Variants in LYZL2 observed in about 807,000 individuals in gnomAD.
The protein encoded by LYZL2 is lysozyme like 2.
In LYZL2, 13 loss-of-function variants were observed where a neutral mutation model predicts 17.1. The ratio of observed to expected loss-of-function variants is 0.76; its 90% CI spans 0.49 to 1.21. The LOEUF (loss-of-function observed/expected upper bound fraction) is 1.21, where lower values mean the gene tolerates loss of function less well. Ranked by LOEUF, LYZL2 falls within the 50% of genes most tolerant of loss-of-function variation. The pLI, the probability that LYZL2 is intolerant of heterozygous loss-of-function variation, is 0.00. For synonymous variants in LYZL2, 63 were observed against 74.4 expected (o/e 0.85, Z 0.79); for missense variants, 166 against 189.2 (o/e 0.88, Z 0.72).
At chr10:30,620,712 T>C (rs1838606288) in intron 3 of LYZL2, among the ~76,000 whole-genome samples, 1 of 152,122 alleles carries the variant, frequency 6.6e-6, no homozygotes, top group African/African-American at 2.4e-5. Flanking sequence ...TGATAAGAAA[T>C]TTAAATCACT....
intron 3 of LYZL2, among the ~76,000 whole-genome samples, chr10:30,616,590 C>T (rs399858): frequency 0.83 from 126,194 of 152,262 alleles, 52,954 homozygotes; most frequent in African/African-American, 0.92. Flanking sequence ...AGGATAATAA[C>T]AGCTATTACC....
Position 30,612,065 on chromosome 10 carries a change from G to A in LYZL2, c.378-41C>T, listed in dbSNP as rs200983024. On this transcript the variant is annotated intron_variant, in intron 4 of 4. Transcript: ENST00000647634. ...AAGCAAGAGCAGCAGAAAGAAGCGT[G>A]ACAATCCAAACCGTCTCAGTTTCAA... The A allele has an allele frequency of 3.7e-5, 60 of 1,605,820 alleles. No individual in the cohort carries two copies. In the East Asian group the frequency reaches 5.1e-4, roughly 14 times the overall value.
intron 3 of LYZL2, among the ~76,000 whole-genome samples, chr10:30,623,902 T>G (rs1214560457): frequency 1.1e-4 from 17 of 152,174 alleles, no homozygotes; most frequent in Non-Finnish European, 1.5e-5. Flanking sequence ...TGGGGACCAC[T>G]GATACAGACC....
At chr10:30,612,693 G>C in intron 4 of LYZL2, 129 bp downstream of exon 4, 1 of 672,512 alleles carries the variant, frequency 1.5e-6, no homozygotes, top group South Asian at 1.8e-5. Flanking sequence ...GGAGAATATA[G>C]ACAAGGTCTC....
At chr10:30,628,125 A>G (rs375323915) in intron 1 of LYZL2, among the ~76,000 whole-genome samples, 16 of 151,614 alleles carry the variant, frequency 1.1e-4, no homozygotes, top group South Asian at 2.1e-4. Context: ...GCGCCACTGC[A>G]CTCCAGCCTG....
intron 3 of LYZL2, among the ~76,000 whole-genome samples, chr10:30,616,505 T>G (rs1190055843): frequency 6.6e-6 from 1 of 152,160 alleles, no homozygotes; most frequent in Non-Finnish European, 1.5e-5. Context: ...AAAACAAACA[T>G]CCATCTCAAA....
At chr10:30,614,014 A>G (rs1256321178) in intron 3 of LYZL2, among the ~76,000 whole-genome samples, 1 of 151,422 alleles carries the variant, frequency 6.6e-6, no homozygotes, top group Non-Finnish European at 1.5e-5. Flanking sequence ...CCCGCCACCT[A>G]TTATTTTTTC....
Position 30,611,960 on chromosome 10 carries a change from A to G in LYZL2, c.442T>C (p.Ser148Pro). 6.2e-7 allele frequency: 1 copy of G among 1,614,158 alleles called. No homozygotes were observed. Among genetic ancestry groups the G allele is most frequent in the Non-Finnish European group, 8.5e-7 (1 of 1,180,030 alleles). ...ATCCTGGGTCCAGTTCCAGTTTAGG[A>G]AACCTCACAGTCTTTTTTCCAGTCG... ...LSDWKKDCEV[S>P] Residue 148 changes from serine (S) to proline (P), a missense_variant, in exon 5 of 5, where the codon TCC (serine) becomes CCC (proline). This residue lies in a region of LYZL2 where 134 missense variants were observed against 129.4 expected (regional missense o/e 1.04). Coordinates refer to ENST00000647634, the MANE Select transcript of LYZL2 (RefSeq NM_183058.3).
At chr10:30,623,026 T>A (rs978043238) in intron 3 of LYZL2, among the ~76,000 whole-genome samples, 8 of 152,184 alleles carry the variant, frequency 5.3e-5, no homozygotes, top group Admixed American at 5.2e-4. Context: ...ACAAAGTAGA[T>A]TTCTGGATGA....
chr10:30,620,279 A>G (rs1008025359), intron 3 of LYZL2, among the ~76,000 whole-genome samples: 2 of 152,252 alleles, frequency 1.3e-5, no homozygotes, highest in Non-Finnish European at 2.9e-5. Flanking sequence ...GTGCACCAAG[A>G]GGATCGCCCA....
chr10:30,616,485 C>A (rs186344368), intron 3 of LYZL2, among the ~76,000 whole-genome samples: 5 of 152,302 alleles, frequency 3.3e-5, no homozygotes, highest in Admixed American at 6.5e-5. Context: ...GAGATGGAGA[C>A]CATCCTCTCA....
At chr10:30,622,419 T>A in intron 3 of LYZL2, among the ~76,000 whole-genome samples, 1 of 151,918 alleles carries the variant, frequency 6.6e-6, no homozygotes, top group Non-Finnish European at 1.5e-5. Context: ...CGTGGTGGCA[T>A]GTGCCTGTAG....
At chr10:30,615,312 G>A (rs1261225782) in intron 3 of LYZL2, among the ~76,000 whole-genome samples, 2 of 152,172 alleles carry the variant, frequency 1.3e-5, no homozygotes, top group African/African-American at 2.4e-5. Context: ...ATGATTTCAC[G>A]CATATGCAAA....
At chr10:30,626,080 C>T in intron 3 of LYZL2, 25 bp downstream of exon 3, 6 of 1,605,610 alleles carry the variant, frequency 3.7e-6, no homozygotes, top group Non-Finnish European at 4.3e-6. Flanking sequence ...CTGAGGATGG[C>T]ATCACTGGAA....
intron 3 of LYZL2, among the ~76,000 whole-genome samples, chr10:30,621,663 T>C (rs1838621646): frequency 6.6e-6 from 1 of 152,104 alleles, no homozygotes; most frequent in Admixed American, 6.6e-5. Context: ...AAAATATTCC[T>C]CAAAATCAAA....
At position 30,612,375 on chromosome 10, in the gene LYZL2, C is replaced by T. The variant is rs556364520; in HGVS notation, c.378-351G>A. Among the ~76,000 whole-genome samples, 13 of 152,318 alleles carry T rather than the reference C, an allele frequency of 8.5e-5. No individual in the cohort carries two copies. The South Asian group carries it at 2.5e-3, about 29-fold the overall frequency. ...AAGGCCCCAGGCTCAATGCTGGGGA[C>T]GCTTTCTGCTGAGTCGCCATGACAC... On this transcript the variant is annotated intron_variant, in intron 4 of 4. Coordinates refer to ENST00000647634, the MANE Select transcript of LYZL2 (RefSeq NM_183058.3).
chr10:30,619,526 A>G (rs1838586756), intron 3 of LYZL2, among the ~76,000 whole-genome samples: 1 of 152,098 alleles, frequency 6.6e-6, no homozygotes, highest in Non-Finnish European at 1.5e-5. Flanking sequence ...TGTCCTTTGT[A>G]GGGACATGGA....
rs1165550893 is a variant in LYZL2 at position 30,617,674 on chromosome 10, C to CAAAAAAAAAAAAAAAAAAAAAAAA, written c.299-4798_299-4775dup. Among the ~76,000 whole-genome samples the CAAAAAAAAAAAAAAAAAAAAAAAA allele has an allele frequency of 5.8e-4, 29 of 50,214 alleles. 1 individual carries two copies. The highest frequency in any genetic ancestry group is 9.2e-4 in the South Asian group (1 of 1,086). 32.9% of individuals were successfully genotyped at this position (50,214 alleles called of 152,430 possible). ...TGGGTGACAGAGTGAGACTCTGTCT[C>CAAAAAAAAAAAAAAAAAAAAAAAA]AAAAAAAAAAAAAAAAAAAAAAAAG... is the stretch of plus-strand genomic sequence containing the variant. On this transcript the variant is annotated intron_variant, in intron 3 of 4. Coordinates refer to ENST00000647634, the MANE Select transcript of LYZL2 (RefSeq NM_183058.3).
chr10:30,618,917 A>T (rs1330633515), intron 3 of LYZL2, among the ~76,000 whole-genome samples: 1 of 152,254 alleles, frequency 6.6e-6, no homozygotes, highest in Non-Finnish European at 1.5e-5. Flanking sequence ...AAATTTTTGC[A>T]ATCTACTCAT....
Sources: gnomAD v4.1 joint callset for allele counts (sites outside exome capture counted in the v4.1 genomes callset) on GRCh38, gnomAD v4.1.1 for gene constraint, gnomAD v4.1.1 regional missense constraint, MANE v1.5 for transcripts, NCBI Gene and HGNC (gene_info 2026-07-23, HGNC 2026-07-21) for gene names.